The following CYRIA variants were observed in gnomAD, a reference collection of about 807,000 sequenced individuals.
CYRIA encodes CYFIP-related Rac1 interactor A.
CYRIA carries 15 observed loss-of-function variants against 43.9 expected under a neutral mutation model. The ratio of observed to expected loss-of-function variants is 0.34; its 90% CI spans 0.23 to 0.53. CYRIA has a LOEUF of 0.53. CYRIA is among the 20% of genes least tolerant of loss of function. The pLI, the probability that CYRIA is intolerant of heterozygous loss-of-function variation, is 0.94. For synonymous variants in CYRIA, 117 were observed against 136.0 expected (o/e 0.86, Z 0.97); for missense variants, 236 against 394.2 (o/e 0.60, Z 3.40).
At chr2:16,606,740 A>G (rs1231617678) in intron 2 of CYRIA, among the ~76,000 whole-genome samples, 1 of 152,130 alleles carries the variant, frequency 6.6e-6, no homozygotes, top group African/African-American at 2.4e-5. Flanking sequence ...CCTTCTGGGA[A>G]GCAAAAGGCC....
intron 1 of CYRIA, among the ~76,000 whole-genome samples, chr2:16,624,739 T>G (rs1026750979): frequency 1.3e-5 from 2 of 152,214 alleles, no homozygotes; most frequent in Non-Finnish European, 2.9e-5. Context: ...CACTCCTTTG[T>G]GCAGAAAACC....
chr2:16,649,394 T>G (rs1006229017), intron 1 of CYRIA, among the ~76,000 whole-genome samples: 1 of 152,022 alleles, frequency 6.6e-6, no homozygotes, highest in East Asian at 1.9e-4. Flanking sequence ...AGTTGTACAG[T>G]ACAGGGGATG....
rs1375870152 is a variant in CYRIA at position 16,551,722 on chromosome 2, A to C, written c.*1214T>G. ...CTAAGGAAGAAGGGCGGAGTCAGTC[A>C]TTTTATCGGCATTAACCTTACAGGG... On this transcript the variant is annotated 3_prime_UTR_variant, in exon 12 of 12. Transcript: ENST00000381323. 1.3e-5 allele frequency: 2 copies of C among 152,128 alleles called. No homozygotes were observed. Among genetic ancestry groups the C allele is most frequent in the Non-Finnish European group, 2.9e-5 (2 of 68,012 alleles). 9.4% of individuals were successfully genotyped at this position (152,128 alleles called of 1,614,324 possible).
rs1318634050 is a variant in CYRIA at position 16,631,996 on chromosome 2, A to C, written c.-166-7977T>G. Reference sequence around the variant, plus strand: ...ATGGCGAACACCCCCTGAGTCCCACAGACCACCTCAAAGCTTCCCAGTGCC... The same window carrying C: ...ATGGCGAACACCCCCTGAGTCCCACCGACCACCTCAAAGCTTCCCAGTGCC... On this transcript the variant is annotated intron_variant, in intron 1 of 11. Coordinates refer to ENST00000381323, the MANE Select transcript of CYRIA (RefSeq NM_030797.4). Among the ~76,000 whole-genome samples, 3 of 152,220 alleles carry C rather than the reference A, an allele frequency of 2.0e-5. No homozygotes were observed. In the East Asian group the frequency reaches 5.8e-4, roughly 29 times the overall value.
At chr2:16,639,944 G>A (rs1348277103) in intron 1 of CYRIA, among the ~76,000 whole-genome samples, 1 of 152,092 alleles carries the variant, frequency 6.6e-6, no homozygotes, top group Non-Finnish European at 1.5e-5. Flanking sequence ...CCACCATAAG[G>A]GCTTCCCTTT....
chr2:16,615,783 A>G (rs1046252332), intron 2 of CYRIA, among the ~76,000 whole-genome samples: 3 of 152,228 alleles, frequency 2.0e-5, no homozygotes, highest in Non-Finnish European at 4.4e-5. Context: ...CTATTACTGA[A>G]CGTTACTGTA....
intron 1 of CYRIA, among the ~76,000 whole-genome samples, chr2:16,651,507 ACT>A (rs1307971117): frequency 6.6e-6 from 1 of 152,124 alleles, no homozygotes; most frequent in Non-Finnish European, 1.5e-5. Flanking sequence ...CTGTGAACAG[ACT>A]CTATCCTTCA....
intron 2 of CYRIA, among the ~76,000 whole-genome samples, chr2:16,609,258 C>G (rs541191187): frequency 6.6e-6 from 1 of 152,282 alleles, no homozygotes; most frequent in Non-Finnish European, 1.5e-5. Flanking sequence ...CCAGGGATAC[C>G]GGGGATAAAG....
Position 16,552,874 on chromosome 2 carries a change from A to C in CYRIA, c.*62T>G. On this transcript the variant is annotated 3_prime_UTR_variant, in exon 12 of 12. Transcript: ENST00000381323. ...CAAGTATTAACATCAATCTGTATTA[A>C]ATTATGTAAACATATACATCTTCTG... is the stretch of plus-strand genomic sequence containing the variant. 3 of 1,043,354 alleles carry C rather than the reference A, an allele frequency of 2.9e-6. No homozygotes were observed. Among genetic ancestry groups the C allele is most frequent in the Non-Finnish European group, 4.5e-6 (3 of 660,800 alleles). The allele number at this position is 1,043,354 out of a possible 1,614,324, so 64.6% of individuals were successfully genotyped here. A position where few individuals can be genotyped will look rare whatever the true frequency, so the allele number is the denominator to read the frequency against.
chr2:16,577,630 T>C (rs1394819308), intron 3 of CYRIA, among the ~76,000 whole-genome samples: 5 of 152,174 alleles, frequency 3.3e-5, no homozygotes, highest in Non-Finnish European at 1.5e-5. Context: ...AGAAAATAGC[T>C]GACATCTTCA....
intron 2 of CYRIA, among the ~76,000 whole-genome samples, chr2:16,623,442 T>C (rs1011613420): frequency 3.3e-5 from 5 of 152,158 alleles, no homozygotes; most frequent in African/African-American, 1.2e-4. Flanking sequence ...ATGAACTGAA[T>C]TTGTTTCTAA....
chr2:16,611,472 G>C (rs368285137), intron 2 of CYRIA, among the ~76,000 whole-genome samples: 37 of 152,344 alleles, frequency 2.4e-4, no homozygotes, highest in African/African-American at 5.8e-4. Flanking sequence ...GTAAGGACCA[G>C]TAAGGATGAG....
intron 2 of CYRIA, among the ~76,000 whole-genome samples, chr2:16,591,326 T>C: frequency 6.6e-6 from 1 of 152,186 alleles, no homozygotes; most frequent in East Asian, 1.9e-4. Context: ...TTGTTGGAGA[T>C]GGCTTATCGT....
rs911872388 is a variant in CYRIA at position 16,551,473 on chromosome 2, G to A, written c.*1463C>T. 1 of 152,204 alleles carries A rather than the reference G, an allele frequency of 6.6e-6. No individual in the cohort carries two copies. Among genetic ancestry groups the A allele is most frequent in the African/African-American group, 2.4e-5 (1 of 41,462 alleles). The allele number at this position is 152,204 out of a possible 1,614,324, so 9.4% of individuals were successfully genotyped here. A position where few individuals can be genotyped will look rare whatever the true frequency, so the allele number is the denominator to read the frequency against. ...TCACAGCCACATGGTATAAAAGGAA[G>A]AGCATGGAGTCAAGAGTGAAGCATC... On this transcript the variant is annotated 3_prime_UTR_variant, in exon 12 of 12. Transcript: ENST00000381323.
At chr2:16,593,558 C>A (rs1043060859) in intron 2 of CYRIA, among the ~76,000 whole-genome samples, 10 of 152,040 alleles carry the variant, frequency 6.6e-5, no homozygotes, top group South Asian at 2.1e-4. Context: ...TCAGGTAATT[C>A]TACAAAAATT....
At chr2:16,620,000 G>C (rs1217959991) in intron 2 of CYRIA, among the ~76,000 whole-genome samples, 1 of 152,184 alleles carries the variant, frequency 6.6e-6, no homozygotes, top group Admixed American at 6.5e-5. Flanking sequence ...CTTTGTTCAT[G>C]TCTGGGTTCT....
intron 9 of CYRIA, 103 bp downstream of exon 9, chr2:16,560,887 T>G: frequency 2.0e-6 from 2 of 1,008,640 alleles, no homozygotes; most frequent in Non-Finnish European, 3.2e-6. Flanking sequence ...ACATGAAAAC[T>G]TTAGGGTGTT....
chr2:16,561,313 G>A, intron 7 of CYRIA, 36 bp from the exon 8 acceptor site: 4 of 1,545,606 alleles, frequency 2.6e-6, no homozygotes, highest in Non-Finnish European at 3.6e-6. Flanking sequence ...GATTTATAAA[G>A]AGAAAGTCCA....
chr2:16,554,943 T>A (rs1666453293), intron 11 of CYRIA, 126 bp downstream of exon 11: 1 of 593,894 alleles, frequency 1.7e-6, no homozygotes, highest in South Asian at 2.8e-5. Flanking sequence ...AAAAGATTGT[T>A]AGGAAGATTC....
Sources: allele counts gnomAD v4.1 joint callset (sites outside exome capture counted in the v4.1 genomes callset), GRCh38; gene constraint gnomAD v4.1.1; transcripts MANE v1.5; gene names NCBI Gene and HGNC (gene_info 2026-07-23, HGNC 2026-07-21).